GRB10: variants seen among roughly 807,000 people sequenced by gnomAD.
The protein encoded by GRB10 is growth factor receptor bound protein 10, also known as growth factor receptor-bound protein 10.
Under a neutral mutation model 80.9 loss-of-function variants are expected in GRB10, and 20 were observed. The observed-to-expected ratio is 0.25, with a 90% CI of 0.17 to 0.36. GRB10 has a LOEUF of 0.36. Among genes scored for constraint, GRB10 ranks in the 10% least tolerant of loss-of-function variants. The pLI is 1.00. For synonymous variants in GRB10, 291 were observed against 291.5 expected, an observed-to-expected ratio of 1.00 and a Z score of 0.02; for missense variants, 548 against 747.7, an observed-to-expected ratio of 0.73 and a Z score of 3.12.
intron 4 of GRB10, among the ~76,000 whole-genome samples, chr7:50,729,978 A>C (rs1033373286): frequency 2.0e-5 from 3 of 152,120 alleles, no homozygotes; most frequent in Non-Finnish European, 4.4e-5. Flanking sequence ...CAGCTTCTAA[A>C]GGATGACCAG....
intron 7 of GRB10, among the ~76,000 whole-genome samples, chr7:50,661,739 G>A (rs1047033999): frequency 6.6e-6 from 1 of 152,056 alleles, no homozygotes; most frequent in African/African-American, 2.4e-5. Flanking sequence ...GGGCCTGTGG[G>A]GTCAGTGCGC....
At chr7:50,625,535 G>T (rs1161138484) in intron 8 of GRB10, among the ~76,000 whole-genome samples, 1 of 152,156 alleles carries the variant, frequency 6.6e-6, no homozygotes, top group Non-Finnish European at 1.5e-5. Flanking sequence ...ACTCATGGAC[G>T]TCCCAAGCTG....
chr7:50,612,211 T>C (rs2049667107), intron 13 of GRB10, among the ~76,000 whole-genome samples: 1 of 152,204 alleles, frequency 6.6e-6, no homozygotes, highest in South Asian at 2.1e-4. Flanking sequence ...TTTGGGAACC[T>C]GAGAGTTGGT....
At chr7:50,777,429 T>TACAC (rs71018485) in intron 2 of GRB10, among the ~76,000 whole-genome samples, 1,494 of 146,244 alleles carry the variant, frequency 0.01, 17 homozygotes, top group African/African-American at 0.02. Context: ...GCAATCTGTA[T>TACAC]ACACACACAC....
chr7:50,766,815 A>G lies in GRB10; in HGVS notation c.-216-10759T>C, dbSNP rs182774940. Among the ~76,000 whole-genome samples, 453 of 152,348 alleles carry G rather than the reference A, an allele frequency of 3.0e-3. 3 individuals carry two copies. Among genetic ancestry groups the G allele is most frequent in the African/African-American group, 6.3e-3 (260 of 41,578 alleles). On this transcript the variant is annotated intron_variant, in intron 2 of 18. Coordinates refer to ENST00000401949, the MANE Select transcript of GRB10 (RefSeq NM_001350814.2). The stretch of plus-strand genomic sequence containing the variant: ...AGATGATGATATCTTTTCATTCTCT[A>G]TATCATTAGTACATTCAGTAAGTAA...
At chr7:50,733,806 T>A (rs182316002) in intron 3 of GRB10, among the ~76,000 whole-genome samples, 8 of 152,324 alleles carry the variant, frequency 5.3e-5, no homozygotes, top group African/African-American at 1.9e-4. Flanking sequence ...GCTATTGCCA[T>A]GAAGGTATTC....
At position 50,593,245 on chromosome 7, in the gene GRB10, G is replaced by A. The variant is rs531647304; in HGVS notation, c.1639-147C>T. 91 of 862,066 alleles carry A rather than the reference G, an allele frequency of 1.1e-4. No individual in the cohort carries two copies. The African/African-American group carries it at 1.3e-3, about 12-fold the overall frequency. The allele number at this position is 862,066 out of a possible 1,614,324, so 53.4% of individuals were successfully genotyped here. ...AGGTAGGCTAGAAAACACCAGGGGCGGGAAAGACGGGAGCAGAGGATGTGT... is the reference window on the plus strand; with the variant it reads ...AGGTAGGCTAGAAAACACCAGGGGCAGGAAAGACGGGAGCAGAGGATGTGT... On this transcript the variant is annotated intron_variant, in intron 18 of 18. Transcript: ENST00000401949.
intron 3 of GRB10, among the ~76,000 whole-genome samples, chr7:50,741,495 C>T (rs1022905899): frequency 6.8e-5 from 10 of 147,614 alleles, no homozygotes; most frequent in African/African-American, 2.5e-4. Flanking sequence ...GCCAATGTGC[C>T]AAGGGGCTCC....
At chr7:50,604,769 C>G (rs886386040) in intron 15 of GRB10, 1 of 345,552 alleles carries the variant, frequency 2.9e-6, no homozygotes, top group Non-Finnish European at 5.5e-6. Flanking sequence ...TCCCCTGAGG[C>G]TGAAGTACAG....
intron 13 of GRB10, among the ~76,000 whole-genome samples, 192 bp downstream of exon 13, chr7:50,612,549 A>ATAT (rs2049749268): frequency 6.6e-6 from 1 of 152,220 alleles, no homozygotes; most frequent in African/African-American, 2.4e-5. Context: ...ACCCTGTTTA[A>ATAT]TATTAGGCCC....
At chr7:50,675,163 G>A (rs1174842873) in intron 5 of GRB10, among the ~76,000 whole-genome samples, 1 of 152,244 alleles carries the variant, frequency 6.6e-6, no homozygotes, top group African/African-American at 2.4e-5. Flanking sequence ...AGTAGGGGCT[G>A]ACACTGTGGC....
chr7:50,676,335 C>CGGG (rs3040026), intron 5 of GRB10, among the ~76,000 whole-genome samples: 5 of 93,228 alleles, frequency 5.4e-5, no homozygotes, highest in South Asian at 9.2e-4. Context: ...TCCACCCCAC[C>CGGG]GGGGGGGGGG....
intron 3 of GRB10, among the ~76,000 whole-genome samples, chr7:50,755,619 G>A (rs983135976): frequency 3.9e-5 from 6 of 152,162 alleles, no homozygotes; most frequent in African/African-American, 1.4e-4. Context: ...TCCGCGAGGA[G>A]AGTGTGCGCA....
chr7:50,628,397 C>T (rs980716), intron 7 of GRB10, among the ~76,000 whole-genome samples: 120,710 of 152,028 alleles, frequency 0.79, 48,097 homozygotes, highest in East Asian at 0.93. Flanking sequence ...CTGTGGCCGG[C>T]GTGGAGTCTG....
chr7:50,598,662 G>A (rs2047058814), intron 17 of GRB10, among the ~76,000 whole-genome samples: 1 of 152,156 alleles, frequency 6.6e-6, no homozygotes, highest in Non-Finnish European at 1.5e-5. Context: ...ACTTCCCCAA[G>A]GTCACACAGC....
intron 4 of GRB10, among the ~76,000 whole-genome samples, chr7:50,716,512 T>C (rs922429872): frequency 7.2e-5 from 11 of 152,146 alleles, no homozygotes; most frequent in Admixed American, 2.0e-4. Context: ...GAGAAACGGA[T>C]ACAGAAATGT....
intron 17 of GRB10, among the ~76,000 whole-genome samples, chr7:50,599,946 C>G (rs79531249): frequency 5.0e-4 from 76 of 152,296 alleles, no homozygotes; most frequent in African/African-American, 1.7e-3. Flanking sequence ...ACACCCGCCC[C>G]CAAGGTTCAG....
chr7:50,720,888 A>G (rs2067614161), intron 4 of GRB10, among the ~76,000 whole-genome samples: 1 of 152,206 alleles, frequency 6.6e-6, no homozygotes, highest in East Asian at 1.9e-4. Context: ...GATATTATCC[A>G]ATAGCTTTTC....
At chr7:50,743,710 A>G (rs1046583032) in intron 3 of GRB10, among the ~76,000 whole-genome samples, 1 of 152,262 alleles carries the variant, frequency 6.6e-6, no homozygotes, top group African/African-American at 2.4e-5. Flanking sequence ...CAGGAGAACC[A>G]GGAGAGGCCG....
Sources: gnomAD v4.1 joint callset for allele counts (sites outside exome capture counted in the v4.1 genomes callset) on GRCh38, gnomAD v4.1.1 for gene constraint, MANE v1.5 for transcripts, NCBI Gene and HGNC (gene_info 2026-07-23, HGNC 2026-07-21) for gene names.